The following MTAP variants were observed in gnomAD, a reference collection of about 807,000 sequenced individuals.
The protein encoded by MTAP is methylthioadenosine phosphorylase.
In MTAP, 33 loss-of-function variants were observed where a neutral mutation model predicts 33.6. That is an observed-to-expected ratio of 0.98 (90% CI 0.74 to 1.31). The LOEUF is 1.31. Among genes scored for constraint, MTAP ranks in the 40% most tolerant of loss-of-function variants. The probability of loss-of-function intolerance (pLI) is 0.00; values close to 1 mark genes in which losing one functional copy is unlikely to be tolerated. For synonymous variants in MTAP, 148 were observed against 125.7 expected, an observed-to-expected ratio of 1.18 and a Z score of -1.19; for missense variants, 367 against 360.0, an observed-to-expected ratio of 1.02 and a Z score of -0.16.
In MTAP at chr9:21,865,612, C is replaced by T; in HGVS notation, c.*3598C>T. On this transcript the variant is annotated 3_prime_UTR_variant, in exon 8 of 8. Transcript: ENST00000644715. Reference sequence around the variant, plus strand: ...AATTCAAGATAGGCAAGAAGGACAGCAGTAAATGAAGACCATGGAAGAAAA... The same window carrying T: ...AATTCAAGATAGGCAAGAAGGACAGTAGTAAATGAAGACCATGGAAGAAAA... The T allele has an allele frequency of 1.0e-6, 1 of 986,908 alleles. No individual in the cohort carries two copies. Among genetic ancestry groups the T allele is most frequent in the Non-Finnish European group, 1.2e-6 (1 of 830,526 alleles). The allele number at this position is 986,908 out of a possible 1,614,324, so 61.1% of individuals were successfully genotyped here.
chr9:21,802,689 C>G lies in MTAP; in HGVS notation c.-60C>G, dbSNP rs987875505. ...GGTTGGCACAGCCACCGCTCTGTGG[C>G]TCGCTTGGTTCCCTTAGTCCCGAGC... On this transcript the variant is annotated 5_prime_UTR_variant, in exon 1 of 8. Transcript: ENST00000644715. 1.3e-6 allele frequency: 2 copies of G among 1,576,888 alleles called. No homozygotes were observed. The highest frequency in any genetic ancestry group is 1.7e-6 in the Non-Finnish European group (2 of 1,161,300).
Position 21,873,934 on chromosome 9 carries a change from ATTATT to A in MTAP, c.147+19066_147+19070del, listed in dbSNP as rs201966581. Among the ~76,000 whole-genome samples the A allele has an allele frequency of 5.2e-3, 794 of 152,252 alleles. 6 individuals carry two copies. The highest frequency in any genetic ancestry group is 0.018 in the African/African-American group (749 of 41,572). On this transcript the variant is annotated intron_variant, in intron 1 of 1. Transcript: ENST00000577563. ...CTTTTTTCGGAATAAAAAAAATTTG[ATTATT>A]TCATTTAGGGAAGATTAACAGGAAA...
intron 5 of MTAP, among the ~76,000 whole-genome samples, chr9:21,848,947 T>C (rs1237032001): frequency 1.3e-5 from 2 of 152,206 alleles, no homozygotes; most frequent in Non-Finnish European, 2.9e-5. Flanking sequence ...CAGAACAGTC[T>C]GACTCGTGTA....
chr9:21,923,325 T>G (rs530149980), intron 1 of MTAP, among the ~76,000 whole-genome samples: 1 of 152,344 alleles, frequency 6.6e-6, no homozygotes, highest in South Asian at 2.1e-4. Context: ...TATGGCTGCA[T>G]AGGACATCAC....
chr9:21,864,837 C>A lies in MTAP; in HGVS notation c.*2823C>A. On this transcript the variant is annotated 3_prime_UTR_variant, in exon 8 of 8. Coordinates refer to ENST00000644715, the MANE Select transcript of MTAP (RefSeq NM_002451.4). ...CCTGCTCTGGCATCCACAGGATGCT[C>A]CTGGAGCCTCTTCTCTGGCTGCTAC... 1.0e-6 allele frequency: 1 copy of A among 985,458 alleles called. No individual in the cohort carries two copies. Among genetic ancestry groups the A allele is most frequent in the Non-Finnish European group, 1.2e-6 (1 of 829,952 alleles). The allele number at this position is 985,458 out of a possible 1,614,324, so 61.0% of individuals were successfully genotyped here.
At chr9:21,803,167 C>T (rs1228070508) in intron 1 of MTAP, 2 of 407,046 alleles carry the variant, frequency 4.9e-6, no homozygotes, top group African/African-American at 4.1e-5. Context: ...CCAAGAAAGA[C>T]ACCCGGCTGG....
chr9:21,885,149 T>C (rs954904211), intron 1 of MTAP, among the ~76,000 whole-genome samples: 1 of 152,120 alleles, frequency 6.6e-6, no homozygotes, highest in Non-Finnish European at 1.5e-5. Context: ...GTGTTACATC[T>C]TTTAAGAAGA....
downstream of MTAP, chr9:21,932,134 C>A (rs1818970664): frequency 6.6e-6 from 1 of 152,222 alleles, no homozygotes; most frequent in Non-Finnish European, 1.5e-5. Context: ...ATTGAAACCA[C>A]CTTTGCAAAA....
chr9:21,876,923 G>A (rs935209596), intron 1 of MTAP, among the ~76,000 whole-genome samples: 1 of 152,054 alleles, frequency 6.6e-6, no homozygotes, highest in South Asian at 2.1e-4. Flanking sequence ...GATAGGAATA[G>A]CATTCGACCT....
In MTAP at chr9:21,864,474, T is replaced by G. The variant is rs2118600660; in HGVS notation, c.*2460T>G. 1.0e-6 allele frequency: 1 copy of G among 985,436 alleles called. No individual in the cohort carries two copies. The highest frequency in any genetic ancestry group is 1.1e-4 in the East Asian group (1 of 8,812). 61.0% of individuals were successfully genotyped at this position (985,436 alleles called of 1,614,324 possible). ...AAGCTGTAGTTTAGTGACTTAGCCC[T>G]TAGTGATTAATAGATTTGCATGTAC... On this transcript the variant is annotated 3_prime_UTR_variant, in exon 8 of 8. Coordinates refer to ENST00000644715, the MANE Select transcript of MTAP (RefSeq NM_002451.4).
Position 21,862,337 on chromosome 9 carries a change from T to G in MTAP, c.*323T>G, listed in dbSNP as rs1825771083. 3 of 242,332 alleles carry G rather than the reference T, an allele frequency of 1.2e-5. No individual in the cohort carries two copies. The highest frequency in any genetic ancestry group is 2.2e-5 in the Non-Finnish European group (3 of 133,662). The allele number at this position is 242,332 out of a possible 1,614,324, so 15.0% of individuals were successfully genotyped here. ...AAAGGGTGGAGGGTAATCTCTACTTTCCTATACTGCCAAAGAATGTGAGGA... is the reference window on the plus strand; with the variant it reads ...AAAGGGTGGAGGGTAATCTCTACTTGCCTATACTGCCAAAGAATGTGAGGA... On this transcript the variant is annotated 3_prime_UTR_variant, in exon 8 of 8. Coordinates refer to ENST00000644715, the MANE Select transcript of MTAP (RefSeq NM_002451.4).
At chr9:21,824,317 A>G (rs1824727671) in intron 4 of MTAP, among the ~76,000 whole-genome samples, 1 of 152,104 alleles carries the variant, frequency 6.6e-6, no homozygotes, top group African/African-American at 2.4e-5. Flanking sequence ...TTTTCCTTCT[A>G]ACAGTCAGGA....
At chr9:21,928,473 G>T (rs934378203) in intron 1 of MTAP, among the ~76,000 whole-genome samples, 15 of 152,134 alleles carry the variant, frequency 9.9e-5, no homozygotes, top group African/African-American at 3.4e-4. Context: ...CTTGGTCTGT[G>T]TAGGTACCTT....
chr9:21,842,962 T>A (rs965785930), intron 5 of MTAP, among the ~76,000 whole-genome samples: 1 of 152,170 alleles, frequency 6.6e-6, no homozygotes, highest in African/African-American at 2.4e-5. Context: ...TAAGAAAAGA[T>A]ACGCAATGGC....
intron 1 of MTAP, among the ~76,000 whole-genome samples, chr9:21,874,090 C>T (rs1271615673): frequency 6.6e-6 from 1 of 152,014 alleles, no homozygotes; most frequent in East Asian, 1.9e-4. Flanking sequence ...GAATTCCCAC[C>T]CTTTAGGAAT....
intron 4 of MTAP, among the ~76,000 whole-genome samples, chr9:21,831,426 T>G (rs1358657020): frequency 6.6e-6 from 1 of 152,170 alleles, no homozygotes; most frequent in East Asian, 1.9e-4. Context: ...AGCCTCTACC[T>G]CCTGGGCTTA....
At chr9:21,878,078 A>T (rs967987593) in intron 1 of MTAP, among the ~76,000 whole-genome samples, 1 of 152,040 alleles carries the variant, frequency 6.6e-6, no homozygotes, top group African/African-American at 2.4e-5. Context: ...TTCCTGGTTC[A>T]GTCTTGGGAG....
At chr9:21,859,197 G>A (rs1273460583) in intron 6 of MTAP, 106 bp from the exon 7 acceptor site, 1 of 1,468,146 alleles carries the variant, frequency 6.8e-7, no homozygotes. Context: ...AAATTTGAGG[G>A]GACACAAACA....
intron 1 of MTAP, among the ~76,000 whole-genome samples, chr9:21,916,296 G>A (rs140105946): frequency 3.7e-4 from 57 of 152,212 alleles, no homozygotes; most frequent in African/African-American, 1.2e-3. Flanking sequence ...CTAATCTAAT[G>A]ATTGGTTTAC....
Sources: gnomAD v4.1 joint callset for allele counts (sites outside exome capture counted in the v4.1 genomes callset) on GRCh38, gnomAD v4.1.1 for gene constraint, MANE v1.5 for transcripts, NCBI Gene and HGNC (gene_info 2026-07-23, HGNC 2026-07-21) for gene names.